TMEM108: variants seen among roughly 807,000 people sequenced by gnomAD.
TMEM108 encodes transmembrane protein 108, also known as cancer/testis antigen 124.
In TMEM108, 12 loss-of-function variants were observed where a neutral mutation model predicts 35.1. That is an observed-to-expected ratio of 0.34 (90% confidence interval 0.22 to 0.55). The LOEUF is 0.55. TMEM108 is among the 20% of genes least tolerant of loss of function. The pLI is 0.89. For missense variants in TMEM108, 680 were observed against 753.3 expected, an observed-to-expected ratio of 0.90 and a Z score of 1.14; for synonymous variants, 287 against 308.6, an observed-to-expected ratio of 0.93 and a Z score of 0.73.
chr3:133,284,554 G>C (rs572067561), intron 3 of TMEM108, among the ~76,000 whole-genome samples: 1 of 152,272 alleles, frequency 6.6e-6, no homozygotes, highest in South Asian at 2.1e-4. Context: ...CTTTGCATAG[G>C]ATAGGAGCCT....
intron 3 of TMEM108, among the ~76,000 whole-genome samples, chr3:133,234,153 C>G (rs1215490004): frequency 1.3e-5 from 2 of 152,018 alleles, no homozygotes; most frequent in Non-Finnish European, 2.9e-5. Context: ...AGGTTTTCTT[C>G]TAGGGTTTTT....
chr3:133,378,658 A>G (rs992544502), intron 3 of TMEM108: 4 of 419,874 alleles, frequency 9.5e-6, no homozygotes, highest in African/African-American at 8.6e-5. Flanking sequence ...TCATGCTTGC[A>G]TGAGGTACCA....
intron 2 of TMEM108, among the ~76,000 whole-genome samples, chr3:133,121,738 A>G (rs573628997): frequency 6.6e-6 from 1 of 152,334 alleles, no homozygotes; most frequent in South Asian, 2.1e-4. Flanking sequence ...GACAGTTAAA[A>G]TGGCAATGTC....
intron 3 of TMEM108, among the ~76,000 whole-genome samples, chr3:133,320,224 T>C (rs1413081866): frequency 2.6e-5 from 4 of 151,916 alleles, no homozygotes; most frequent in Non-Finnish European, 5.9e-5. Flanking sequence ...GATTATTAAG[T>C]GACTCAAGGA....
chr3:133,054,807 G>A lies in TMEM108; in HGVS notation c.-47+8787G>A, dbSNP rs76914179. Among the ~76,000 whole-genome samples the A allele has an allele frequency of 1.9e-3, 282 of 152,274 alleles. 1 individual carries two copies. The highest frequency in any genetic ancestry group is 6.0e-3 in the African/African-American group (248 of 41,556). On this transcript the variant is annotated intron_variant, in intron 2 of 5. Coordinates refer to ENST00000321871, the MANE Select transcript of TMEM108 (RefSeq NM_023943.4). ...TGACCCATGGCAGCACAAACAGCCC[G>A]TCATTTCAATGAATTATTTAAGGCT...
intron 3 of TMEM108, among the ~76,000 whole-genome samples, chr3:133,337,283 C>G (rs112287608): frequency 0.01 from 1,556 of 152,324 alleles, 25 homozygotes; most frequent in African/African-American, 0.034. Context: ...ACCCAGCACA[C>G]TCCCATTGAT....
intron 3 of TMEM108, among the ~76,000 whole-genome samples, chr3:133,250,169 C>T (rs1946447762): frequency 6.6e-6 from 1 of 152,172 alleles, no homozygotes; most frequent in South Asian, 2.1e-4. Flanking sequence ...ATAGACTTCT[C>T]ATGCATTATA....
chr3:133,357,499 C>T (rs1166719904), intron 3 of TMEM108, among the ~76,000 whole-genome samples: 2 of 152,106 alleles, frequency 1.3e-5, no homozygotes, highest in African/African-American at 4.8e-5. Flanking sequence ...CAGCACAATT[C>T]ACAATTACAG....
chr3:133,331,152 G>T lies in TMEM108; in HGVS notation c.41-48600G>T, dbSNP rs143870901. On this transcript the variant is annotated intron_variant, in intron 3 of 5. Transcript: ENST00000321871. ...AAAAGAAGCAGTTGTACATGTGTCT[G>T]TCAGCTCTTAAATATGGAAGAAATC... is the stretch of plus-strand genomic sequence containing the variant. 5.3e-5 allele frequency among the ~76,000 whole-genome samples: 8 copies of T among 152,314 alleles called. No homozygotes were observed. The East Asian group carries it at 1.5e-3, about 29-fold the overall frequency.
intron 3 of TMEM108, among the ~76,000 whole-genome samples, chr3:133,321,265 A>G (rs548621762): frequency 6.6e-6 from 1 of 152,384 alleles, no homozygotes; most frequent in East Asian, 1.9e-4. Flanking sequence ...TGCTGTCTTC[A>G]AGAGACTCAC....
chr3:133,332,090 A>G (rs201580606), intron 3 of TMEM108, among the ~76,000 whole-genome samples: 2,665 of 125,614 alleles, frequency 0.021, 30 homozygotes, highest in South Asian at 0.043. Flanking sequence ...GTGCACACAC[A>G]CACACACACA....
Position 133,250,307 on chromosome 3 carries a change from A to G in TMEM108, c.40+20956A>G, listed in dbSNP as rs529004528. On this transcript the variant is annotated intron_variant, in intron 3 of 5. Transcript: ENST00000321871. ...CAGCCTACGTGAAGCCAGTGTGAAG[A>G]CAACAAGGATGAAGACCTATATGAT... Among the ~76,000 whole-genome samples the G allele has an allele frequency of 3.4e-3, 520 of 152,310 alleles. 5 individuals carry two copies. Among genetic ancestry groups the G allele is most frequent in the African/African-American group, 0.012 (500 of 41,566 alleles).
Position 133,176,121 on chromosome 3 carries a change from ACTAT to A in TMEM108, c.-46-53143_-46-53140del, listed in dbSNP as rs200017764. ...GGGATCAATTCAACAAGAAGAGCTA[ACTAT>A]CCTAAATACATATGCACCCAATACA... is the stretch of plus-strand genomic sequence containing the variant. On this transcript the variant is annotated intron_variant, in intron 2 of 5. Transcript: ENST00000321871. 8.1e-3 allele frequency among the ~76,000 whole-genome samples: 1,235 copies of A among 152,354 alleles called. 11 individuals are homozygous for A. The highest frequency in any genetic ancestry group is 0.026 in the African/African-American group (1,061 of 41,580).
At chr3:133,169,902 A>G (rs957920173) in intron 2 of TMEM108, among the ~76,000 whole-genome samples, 11 of 152,226 alleles carry the variant, frequency 7.2e-5, no homozygotes, top group African/African-American at 2.7e-4. Context: ...TTGAATAACA[A>G]CAGACGATCT....
chr3:133,311,692 C>G (rs1418813816), intron 3 of TMEM108, among the ~76,000 whole-genome samples: 2 of 152,188 alleles, frequency 1.3e-5, no homozygotes, highest in African/African-American at 4.8e-5. Context: ...TATTACCAAC[C>G]TTCTGAAGCC....
intron 3 of TMEM108, chr3:133,246,180 A>G (rs1946383366): frequency 6.6e-6 from 1 of 152,228 alleles, no homozygotes; most frequent in Non-Finnish European, 1.5e-5. Context: ...TTCCTCAGTC[A>G]CACTTGCAAC....
At chr3:133,370,730 C>T (rs189820308) in intron 3 of TMEM108, among the ~76,000 whole-genome samples, 175 of 152,226 alleles carry the variant, frequency 1.1e-3, no homozygotes, top group Middle Eastern at 3.4e-3. Context: ...GAACACTTTT[C>T]GTATGTGAGT....
At chr3:133,204,913 C>G (rs1271685643) in intron 2 of TMEM108, among the ~76,000 whole-genome samples, 2 of 152,012 alleles carry the variant, frequency 1.3e-5, no homozygotes, top group Non-Finnish European at 2.9e-5. Flanking sequence ...TTAAAGTCTC[C>G]CGCTATTATT....
chr3:133,355,631 T>G (rs1471929968), intron 3 of TMEM108, among the ~76,000 whole-genome samples: 2 of 152,162 alleles, frequency 1.3e-5, no homozygotes, highest in African/African-American at 4.8e-5. Context: ...CATTCCATAT[T>G]CCAAAGCAAC....
Sources: allele counts gnomAD v4.1 joint callset (sites outside exome capture counted in the v4.1 genomes callset), GRCh38; gene constraint gnomAD v4.1.1; transcripts MANE v1.5; gene names NCBI Gene and HGNC (gene_info 2026-07-23, HGNC 2026-07-21).